Variants in NCK2 observed in about 807,000 individuals in gnomAD.
The protein encoded by NCK2 is cytoplasmic protein NCK2.
NCK2 carries 16 observed loss-of-function variants against 33.9 expected under a neutral mutation model. The ratio of observed to expected loss-of-function variants is 0.47; its 90% CI spans 0.32 to 0.72. NCK2 has a LOEUF of 0.72. NCK2 is among the 30% of genes least tolerant of loss of function. NCK2 has a pLI of 0.03. For synonymous variants in NCK2, 273 were observed against 239.9 expected (o/e 1.14, Z -1.27); for missense variants, 418 against 537.3 (o/e 0.78, Z 2.19).
At chr2:105,812,491 C>G (rs369065415) in intron 1 of NCK2, among the ~76,000 whole-genome samples, 1 of 152,222 alleles carries the variant, frequency 6.6e-6, no homozygotes, top group Non-Finnish European at 1.5e-5. Context: ...ACAGCGCTGA[C>G]CCCGTGCTGT....
At chr2:105,747,641 T>C (rs997737000) in intron 1 of NCK2, among the ~76,000 whole-genome samples, 3 of 152,224 alleles carry the variant, frequency 2.0e-5, no homozygotes, top group African/African-American at 7.2e-5. Context: ...CTAACTTTTT[T>C]CACAAATGAA....
intron 1 of NCK2, among the ~76,000 whole-genome samples, chr2:105,794,094 G>C (rs1690991407): frequency 6.8e-6 from 1 of 146,052 alleles, no homozygotes; most frequent in Non-Finnish European, 1.5e-5. Flanking sequence ...TGTCGCCCAG[G>C]CTGGAGTGCA....
chr2:105,826,572 AAAGC>A (rs1489315440), intron 2 of NCK2, among the ~76,000 whole-genome samples: 2 of 152,232 alleles, frequency 1.3e-5, no homozygotes, highest in African/African-American at 4.8e-5. Context: ...TGTAACTAAT[AAAGC>A]AAGAATTTCT....
chr2:105,774,304 C>T (rs1690235353), intron 1 of NCK2, among the ~76,000 whole-genome samples: 1 of 152,082 alleles, frequency 6.6e-6, no homozygotes, highest in Non-Finnish European at 1.5e-5. Context: ...CCACTGTGCC[C>T]AGCCTCCAGC....
chr2:105,833,000 C>CTT (rs35726815), intron 2 of NCK2, among the ~76,000 whole-genome samples: 10 of 132,114 alleles, frequency 7.6e-5, no homozygotes, highest in African/African-American at 2.8e-4. Context: ...TGTTGGGAGA[C>CTT]TTTTTTTTTT....
intron 3 of NCK2, among the ~76,000 whole-genome samples, chr2:105,869,972 T>A (rs1274691795): frequency 4.6e-5 from 7 of 152,194 alleles, no homozygotes; most frequent in Non-Finnish European, 8.8e-5. Flanking sequence ...CACAAAGGAA[T>A]GGGCTTTCTT....
chr2:105,838,699 G>A (rs948093905), intron 2 of NCK2, among the ~76,000 whole-genome samples: 1 of 152,290 alleles, frequency 6.6e-6, no homozygotes, highest in East Asian at 1.9e-4. Context: ...TAGTTTGTAG[G>A]CATCTTGTAT....
chr2:105,868,146 C>T (rs1457141126), intron 3 of NCK2, among the ~76,000 whole-genome samples: 1 of 152,210 alleles, frequency 6.6e-6, no homozygotes, highest in Non-Finnish European at 1.5e-5. Context: ...TTGGTGTAAC[C>T]GATGGACCTT....
At chr2:105,807,214 T>C (rs1675078975) in intron 1 of NCK2, among the ~76,000 whole-genome samples, 1 of 152,230 alleles carries the variant, frequency 6.6e-6, no homozygotes, top group Non-Finnish European at 1.5e-5. Flanking sequence ...TGGGTGTTAC[T>C]GTCCTGTGAC....
chr2:105,879,174 A>C (rs1678359950), intron 3 of NCK2, among the ~76,000 whole-genome samples: 1 of 152,190 alleles, frequency 6.6e-6, no homozygotes, highest in African/African-American at 2.4e-5. Context: ...TTTGTAATTC[A>C]CATGTTTGCA....
At chr2:105,876,316 G>A (rs1025474074) in intron 3 of NCK2, among the ~76,000 whole-genome samples, 3 of 152,292 alleles carry the variant, frequency 2.0e-5, no homozygotes, top group Middle Eastern at 3.4e-3. Flanking sequence ...ACCATGCCTC[G>A]GTAAGGGCAG....
rs141984509 is a variant in NCK2 at position 105,882,577 on chromosome 2, G to A, written c.948+528G>A. On this transcript the variant is annotated intron_variant, in intron 4 of 4. Transcript: ENST00000233154. Reference sequence around the variant, plus strand: ...TCTCAAAAGCTTTTAAAGCACTTACGAGATAAATTGAAAAGAAAACAGGGG... The same window carrying A: ...TCTCAAAAGCTTTTAAAGCACTTACAAGATAAATTGAAAAGAAAACAGGGG... Among the ~76,000 whole-genome samples, 321 of 152,250 alleles carry A rather than the reference G, an allele frequency of 2.1e-3. 3 individuals are homozygous for A. The highest frequency in any genetic ancestry group is 7.4e-3 in the African/African-American group (309 of 41,548).
intron 4 of NCK2, among the ~76,000 whole-genome samples, chr2:105,884,020 G>GT (rs1161021064): frequency 2.0e-5 from 3 of 152,176 alleles, no homozygotes; most frequent in African/African-American, 7.2e-5. Flanking sequence ...GGATCTTGCC[G>GT]TGACACGGGC....
intron 2 of NCK2, among the ~76,000 whole-genome samples, chr2:105,841,500 A>G (rs1320186337): frequency 6.6e-6 from 1 of 152,202 alleles, no homozygotes; most frequent in Non-Finnish European, 1.5e-5. Context: ...GTGTTCAGAT[A>G]TCTGGAAGCC....
intron 2 of NCK2, 184 bp from the exon 3 acceptor site, chr2:105,854,864 T>C (rs1677196907): frequency 1.8e-6 from 1 of 551,022 alleles, no homozygotes; most frequent in Non-Finnish European, 3.3e-6. Context: ...GGTTGCTGTT[T>C]CTAAACCAAA....
intron 1 of NCK2, among the ~76,000 whole-genome samples, chr2:105,759,862 G>A (rs1689711922): frequency 6.6e-6 from 1 of 152,184 alleles, no homozygotes; most frequent in Non-Finnish European, 1.5e-5. Context: ...GTTGTCAGAT[G>A]TTTTTTCATG....
intron 2 of NCK2, among the ~76,000 whole-genome samples, chr2:105,852,728 T>C (rs1168466979): frequency 6.6e-6 from 1 of 152,164 alleles, no homozygotes; most frequent in African/African-American, 2.4e-5. Flanking sequence ...CTGCTATTGC[T>C]CTTCTTCTTG....
intron 1 of NCK2, among the ~76,000 whole-genome samples, chr2:105,762,276 A>AT (rs1352423958): frequency 6.6e-6 from 1 of 152,118 alleles, no homozygotes; most frequent in East Asian, 1.9e-4. Context: ...CAGGCAGCTA[A>AT]TGGGCAGAGC....
intron 4 of NCK2, among the ~76,000 whole-genome samples, chr2:105,891,282 T>C (rs943792355): frequency 5.3e-5 from 8 of 152,028 alleles, no homozygotes; most frequent in East Asian, 1.9e-4. Context: ...TTTTTTTTTT[T>C]CATAGAACTT....
Sources: allele counts gnomAD v4.1 joint callset (sites outside exome capture counted in the v4.1 genomes callset), GRCh38; gene constraint gnomAD v4.1.1; transcripts MANE v1.5; gene names NCBI Gene and HGNC (gene_info 2026-07-23, HGNC 2026-07-21).